STK39: variants seen among roughly 807,000 people sequenced by gnomAD.
STK39 encodes the protein STE20/SPS1-related proline-alanine-rich protein kinase.
STK39 carries 20 observed loss-of-function variants against 77.8 expected under a neutral mutation model. The observed-to-expected ratio is 0.26, with a 90% confidence interval of 0.18 to 0.37. The LOEUF (loss-of-function observed/expected upper bound fraction) is 0.37. STK39 is among the 10% of genes least tolerant of loss of function. The probability of loss-of-function intolerance (pLI) is 1.00; values close to 1 mark genes in which losing one functional copy is unlikely to be tolerated. For synonymous variants in STK39, 246 were observed against 234.1 expected (o/e 1.05, Z -0.47); for missense variants, 479 against 656.5 (o/e 0.73, Z 2.95).
At chr2:168,226,421 C>A (rs887177152) in intron 1 of STK39, among the ~76,000 whole-genome samples, 20 of 152,172 alleles carry the variant, frequency 1.3e-4, no homozygotes, top group African/African-American at 4.6e-4. Context: ...CTGTTCCTTA[C>A]AACCTAAAGG....
chr2:168,210,292 G>T (rs561431106), intron 1 of STK39, among the ~76,000 whole-genome samples: 2 of 152,108 alleles, frequency 1.3e-5, no homozygotes, highest in Non-Finnish European at 2.9e-5. Context: ...CCAAAGAATT[G>T]CAATGCAAAT....
chr2:168,027,138 A>G (rs767104339), intron 14 of STK39, among the ~76,000 whole-genome samples: 2 of 152,140 alleles, frequency 1.3e-5, no homozygotes, highest in African/African-American at 4.8e-5. Flanking sequence ...TGTGCCCTCT[A>G]TCTGTGGCTC....
At chr2:168,051,546 C>G (rs933012760) in intron 14 of STK39, among the ~76,000 whole-genome samples, 2 of 152,172 alleles carry the variant, frequency 1.3e-5, no homozygotes, top group African/African-American at 4.8e-5. Context: ...ATTGGTCTAC[C>G]ATGCAAGACT....
chr2:168,213,309 A>G (rs186006988), intron 1 of STK39, among the ~76,000 whole-genome samples: 172 of 152,356 alleles, frequency 1.1e-3, no homozygotes, highest in Non-Finnish European at 1.8e-3. Context: ...AATGATTGCC[A>G]TGAGTAGGGT....
Position 168,086,002 on chromosome 2 carries a change from C to T in STK39, c.1090-10771G>A, listed in dbSNP as rs896479575. 3.3e-5 allele frequency among the ~76,000 whole-genome samples: 5 copies of T among 152,194 alleles called. No homozygotes were observed. The South Asian group carries it at 6.2e-4, about 19-fold the overall frequency. On this transcript the variant is annotated intron_variant, in intron 10 of 17. Coordinates refer to ENST00000355999, the MANE Select transcript of STK39 (RefSeq NM_013233.3). ...GCCCCCAGGTGACCTGACCATCTGG[C>T]GCAGTGGCATGACACTAGAAGCTGA...
intron 2 of STK39, among the ~76,000 whole-genome samples, chr2:168,173,151 A>G (rs763096076): frequency 1.3e-5 from 2 of 152,222 alleles, no homozygotes; most frequent in Non-Finnish European, 2.9e-5. Context: ...CCCCACTGCA[A>G]TGTAATCTAT....
intron 14 of STK39, among the ~76,000 whole-genome samples, chr2:168,032,834 C>T (rs1355980136): frequency 6.6e-6 from 1 of 152,222 alleles, no homozygotes; most frequent in Non-Finnish European, 1.5e-5. Context: ...TATAGGAGAG[C>T]TTTCCTCTAT....
At chr2:168,017,625 G>A (rs952034862) in intron 14 of STK39, among the ~76,000 whole-genome samples, 2 of 151,830 alleles carry the variant, frequency 1.3e-5, no homozygotes, top group African/African-American at 2.4e-5. Context: ...CCCCAGCCTC[G>A]GCCTCCCAAA....
In STK39 at chr2:168,006,092, A is replaced by G. The variant is rs527584506; in HGVS notation, c.1498+6542T>C. Among the ~76,000 whole-genome samples the G allele has an allele frequency of 2.6e-4, 39 of 152,340 alleles. 1 individual carries two copies. The highest frequency in any genetic ancestry group is 3.4e-3 in the Middle Eastern group (1 of 294). ...TAAACTCCACTTAAAGGAAACAGAC[A>G]TATGTTGCTACAAAGCTAGGGAAGG... is the stretch of plus-strand genomic sequence containing the variant. On this transcript the variant is annotated intron_variant, in intron 16 of 17. Transcript: ENST00000355999.
At chr2:168,175,473 T>C (rs55947094) in intron 2 of STK39, among the ~76,000 whole-genome samples, 8,985 of 152,246 alleles carry the variant, frequency 0.059, 496 homozygotes, top group African/African-American at 0.14. Flanking sequence ...TTCTAACAAA[T>C]GTAGAAAACA....
intron 4 of STK39, 57 bp downstream of exon 4, chr2:168,163,682 C>T (rs1281965061): frequency 6.2e-7 from 1 of 1,609,980 alleles, no homozygotes; most frequent in Non-Finnish European, 8.5e-7. Context: ...TCTAAGCCTT[C>T]CAAAACCTCT....
At chr2:168,225,024 G>C (rs1690268779) in intron 1 of STK39, among the ~76,000 whole-genome samples, 1 of 152,194 alleles carries the variant, frequency 6.6e-6, no homozygotes, top group Non-Finnish European at 1.5e-5. Context: ...AGACACCAAA[G>C]TTTAGGACTC....
intron 14 of STK39, among the ~76,000 whole-genome samples, chr2:168,017,377 ATTTTTTTTTTT>A (rs386391743): frequency 1.1e-5 from 1 of 93,592 alleles, no homozygotes; most frequent in African/African-American, 4.4e-5. Flanking sequence ...GGAAACCTTA[ATTTTTTTTTTT>A]TTTTTTTTTT....
intron 14 of STK39, among the ~76,000 whole-genome samples, chr2:168,059,264 T>C (rs986800537): frequency 3.3e-5 from 5 of 152,210 alleles, no homozygotes; most frequent in African/African-American, 4.8e-5. Flanking sequence ...CCCTTGAGTA[T>C]GAACAGGACC....
At chr2:168,165,123 A>G (rs531777610) in intron 3 of STK39, among the ~76,000 whole-genome samples, 1 of 152,334 alleles carries the variant, frequency 6.6e-6, no homozygotes, top group Non-Finnish European at 1.5e-5. Flanking sequence ...TTAAAAAATG[A>G]TAATTCCAAA....
chr2:167,995,872 C>G (rs79030893), intron 16 of STK39, among the ~76,000 whole-genome samples: 2,123 of 152,294 alleles, frequency 0.014, 51 homozygotes, highest in African/African-American at 0.048. Context: ...TCCTTCCCAG[C>G]CCTTTTGTCT....
intron 16 of STK39, among the ~76,000 whole-genome samples, chr2:167,999,683 C>T (rs955580490): frequency 1.3e-5 from 2 of 152,012 alleles, no homozygotes; most frequent in Admixed American, 6.6e-5. Flanking sequence ...AGGATGGTCT[C>T]GATTTCCTGA....
intron 8 of STK39, among the ~76,000 whole-genome samples, chr2:168,134,235 CT>C (rs1687774583): frequency 6.6e-6 from 1 of 152,178 alleles, no homozygotes; most frequent in African/African-American, 2.4e-5. Context: ...ATGCAGCAGT[CT>C]GCAAGTAACA....
At chr2:168,091,066 TC>T (rs2105433487) in intron 10 of STK39, among the ~76,000 whole-genome samples, 1 of 152,068 alleles carries the variant, frequency 6.6e-6, no homozygotes, top group Non-Finnish European at 1.5e-5. Flanking sequence ...AAAATCATTT[TC>T]CCCTTGTAAT....
Sources: gnomAD v4.1 joint callset for allele counts (sites outside exome capture counted in the v4.1 genomes callset) on GRCh38, gnomAD v4.1.1 for gene constraint, MANE v1.5 for transcripts, NCBI Gene and HGNC (gene_info 2026-07-23, HGNC 2026-07-21) for gene names.